The following RFX7 variants were observed in gnomAD, a reference collection of about 807,000 sequenced individuals.
The protein encoded by RFX7 is DNA-binding protein RFX7.
Under a neutral mutation model 111.8 loss-of-function variants are expected in RFX7, and 26 were observed. That is an observed-to-expected ratio of 0.23 (90% CI 0.17 to 0.32). RFX7 has a LOEUF of 0.32. Among genes scored for constraint, RFX7 ranks in the 10% least tolerant of loss-of-function variants. The pLI is 1.00. For missense variants in RFX7, 1,573 were observed against 1,772.9 expected (o/e 0.89, Z 2.02); for synonymous variants, 624 against 624.4 (o/e 1.00, Z 0.01).
intron 5 of RFX7, among the ~76,000 whole-genome samples, chr15:56,135,466 GT>G (rs1192441276): frequency 1.3e-5 from 2 of 151,802 alleles, no homozygotes; most frequent in Non-Finnish European, 2.9e-5. Flanking sequence ...GGGGCTGTTT[GT>G]TTTTTTCTTG....
chr15:56,169,299 A>C (rs1465659276), intron 3 of RFX7, among the ~76,000 whole-genome samples: 1 of 152,170 alleles, frequency 6.6e-6, no homozygotes, highest in Non-Finnish European at 1.5e-5. Flanking sequence ...GAACTTCAAT[A>C]CTCTGCCCTC....
At chr15:56,222,712 C>T (rs1212438030) in intron 2 of RFX7, among the ~76,000 whole-genome samples, 1 of 152,108 alleles carries the variant, frequency 6.6e-6, no homozygotes, top group African/African-American at 2.4e-5. Context: ...TGCATGGATA[C>T]TGTTCATCTT....
intron 5 of RFX7, among the ~76,000 whole-genome samples, chr15:56,127,944 C>T (rs1377326160): frequency 2.7e-5 from 4 of 147,628 alleles, no homozygotes; most frequent in Admixed American, 1.3e-4. Context: ...TGAATGAAAA[C>T]GGAGGTATTA....
At chr15:56,146,488 T>C (rs541962050) in intron 3 of RFX7, among the ~76,000 whole-genome samples, 3 of 152,230 alleles carry the variant, frequency 2.0e-5, no homozygotes, top group African/African-American at 7.2e-5. Flanking sequence ...TTATGAGCCA[T>C]GTCTGAGAAA....
At chr15:56,119,819 T>C (rs957841005) in intron 5 of RFX7, among the ~76,000 whole-genome samples, 5 of 151,448 alleles carry the variant, frequency 3.3e-5, no homozygotes, top group Non-Finnish European at 7.4e-5. Context: ...GAGTTCACTG[T>C]AGATGTATGA....
intron 2 of RFX7, among the ~76,000 whole-genome samples, chr15:56,227,468 T>A (rs1596023088): frequency 2.0e-5 from 3 of 152,328 alleles, no homozygotes; most frequent in African/African-American, 7.2e-5. Flanking sequence ...ATTTGAGCAT[T>A]TTATATGATT....
At position 56,243,563 on chromosome 15, in the gene RFX7, C is replaced by G; in HGVS notation, c.-121G>C. The G allele has an allele frequency of 1.0e-6, 1 of 958,700 alleles. No individual in the cohort carries two copies. Among genetic ancestry groups the G allele is most frequent in the Non-Finnish European group, 1.2e-6 (1 of 806,582 alleles). 59.4% of individuals were successfully genotyped at this position (958,700 alleles called of 1,614,324 possible). On this transcript the variant is annotated 5_prime_UTR_variant, in exon 1 of 10. Coordinates refer to ENST00000559447, the MANE Select transcript of RFX7 (RefSeq NM_022841.7). ...AGAGGCATGGCGGCGCCCCTCAGCCCCCCGCTGGCGCCGCCGCCTCCTCCC... is the reference window on the plus strand; with the variant it reads ...AGAGGCATGGCGGCGCCCCTCAGCCGCCCGCTGGCGCCGCCGCCTCCTCCC...
At chr15:56,172,594 G>A (rs1288821535) in intron 3 of RFX7, among the ~76,000 whole-genome samples, 3 of 152,030 alleles carry the variant, frequency 2.0e-5, no homozygotes, top group East Asian at 1.9e-4. Flanking sequence ...GACAAGAACA[G>A]GTATAGAATT....
intron 2 of RFX7, among the ~76,000 whole-genome samples, chr15:56,219,303 C>T (rs2043399648): frequency 6.6e-6 from 1 of 152,174 alleles, no homozygotes; most frequent in African/African-American, 2.4e-5. Context: ...AGAGCCACTC[C>T]AGCTTTCTAA....
intron 3 of RFX7, among the ~76,000 whole-genome samples, chr15:56,153,907 C>T (rs2042613011): frequency 6.6e-6 from 1 of 152,154 alleles, no homozygotes; most frequent in Admixed American, 6.5e-5. Flanking sequence ...CATCTCAGCC[C>T]AAAATCTCCT....
intron 5 of RFX7, among the ~76,000 whole-genome samples, chr15:56,104,965 A>G (rs923371370): frequency 1.3e-5 from 2 of 152,182 alleles, no homozygotes; most frequent in African/African-American, 4.8e-5. Flanking sequence ...GGGTCTTGCA[A>G]GGTTGAAGGA....
At chr15:56,186,431 C>T (rs2043038887) in intron 2 of RFX7, among the ~76,000 whole-genome samples, 2 of 152,280 alleles carry the variant, frequency 1.3e-5, no homozygotes, top group African/African-American at 2.4e-5. Flanking sequence ...TTCCTTGTTA[C>T]TAGCACCTAT....
chr15:56,168,279 A>G (rs200273117), intron 3 of RFX7, among the ~76,000 whole-genome samples: 39 of 152,236 alleles, frequency 2.6e-4, no homozygotes, highest in African/African-American at 8.2e-4. Flanking sequence ...AATACTAACA[A>G]TAACAATAAA....
At chr15:56,138,682 C>T (rs1322395358) in intron 5 of RFX7, among the ~76,000 whole-genome samples, 39 of 152,106 alleles carry the variant, frequency 2.6e-4, no homozygotes, top group Admixed American at 8.5e-4. Context: ...TTGTTTTGCC[C>T]GTTAGTTGAT....
chr15:56,122,327 G>C (rs184463774), intron 5 of RFX7, among the ~76,000 whole-genome samples: 1 of 152,252 alleles, frequency 6.6e-6, no homozygotes, highest in Non-Finnish European at 1.5e-5. Context: ...AGAATTCTGT[G>C]CATTACCATG....
intron 2 of RFX7, among the ~76,000 whole-genome samples, chr15:56,204,565 T>C (rs2043231832): frequency 1.3e-5 from 2 of 152,164 alleles, no homozygotes; most frequent in African/African-American, 2.4e-5. Flanking sequence ...GGCTAAAGCT[T>C]TGAGGGTCTA....
chr15:56,192,953 G>A, intron 2 of RFX7: 1 of 187,862 alleles, frequency 5.3e-6, no homozygotes, highest in Non-Finnish European at 1.2e-5. Context: ...CACTAGGTCT[G>A]TGCTGTGGAC....
chr15:56,167,727 AT>A lies in RFX7; in HGVS notation c.195+11542del, dbSNP rs2042799926. Reference sequence around the variant, plus strand: ...TACCAATAAACAGATAAATTTTTTCATAGCTTTAAAACTAGAAAAGTACTTT... The same window carrying A: ...TACCAATAAACAGATAAATTTTTTCAAGCTTTAAAACTAGAAAAGTACTTT... On this transcript the variant is annotated intron_variant, in intron 3 of 9. Transcript: ENST00000559447. Among the ~76,000 whole-genome samples, 4 of 152,226 alleles carry A rather than the reference AT, an allele frequency of 2.6e-5. No homozygotes were observed. The South Asian group carries it at 8.3e-4, about 31-fold the overall frequency.
Position 56,100,426 on chromosome 15 carries a change from A to C in RFX7, c.811+933T>G, listed in dbSNP as rs989928009. Among the ~76,000 whole-genome samples the C allele has an allele frequency of 9.8e-5, 15 of 152,320 alleles. No homozygotes were observed. In the East Asian group the frequency reaches 1.5e-3, roughly 16 times the overall value. On this transcript the variant is annotated intron_variant, in intron 8 of 9. Transcript: ENST00000559447. ...CCACAAAAGGAGAGGTTACACACAC[A>C]TACATCCCACATACTAAATGTAAAA... is the stretch of plus-strand genomic sequence containing the variant.
Sources: allele counts gnomAD v4.1 joint callset (sites outside exome capture counted in the v4.1 genomes callset), GRCh38; gene constraint gnomAD v4.1.1; transcripts MANE v1.5; gene names NCBI Gene and HGNC (gene_info 2026-07-23, HGNC 2026-07-21).